The following ANO1 variants were observed in gnomAD, a reference collection of about 807,000 sequenced individuals.
ANO1 encodes the protein anoctamin 1, also known as anoctamin-1.
Under a neutral mutation model 124.0 loss-of-function variants are expected in ANO1, and 59 were observed. That is an observed-to-expected ratio of 0.48 (90% CI 0.39 to 0.59). The LOEUF (loss-of-function observed/expected upper bound fraction) is 0.59. Ranked by LOEUF, ANO1 falls within the 20% of genes least tolerant of loss-of-function variation. The pLI, the probability that ANO1 is intolerant of heterozygous loss-of-function variation, is 0.00. For synonymous variants in ANO1, 529 were observed against 532.0 expected, an observed-to-expected ratio of 0.99 and a Z score of 0.08; for missense variants, 1,059 against 1,328.0, an observed-to-expected ratio of 0.80 and a Z score of 3.15.
At chr11:70,104,932 C>T (rs964585459) in intron 4 of ANO1, among the ~76,000 whole-genome samples, 1 of 152,166 alleles carries the variant, frequency 6.6e-6, no homozygotes, top group Non-Finnish European at 1.5e-5. Flanking sequence ...ATGAGCATCA[C>T]TGGATGCATT....
Position 70,065,311 on chromosome 11 carries a change from C to T in ANO1, c.59-13231C>T, listed in dbSNP as rs538353411. On this transcript the variant is annotated intron_variant, in intron 1 of 27. Coordinates refer to the ANO1 transcript ENST00000531349. ...GCGGTTGGGGTCTCCTGGATTCAAC[C>T]ATCATTAGAGGAGGCTTTGCATATT... 8 of 152,368 alleles carry T rather than the reference C, an allele frequency of 5.3e-5. No homozygotes were observed. The East Asian group carries it at 1.5e-3, about 29-fold the overall frequency. 9.4% of individuals were successfully genotyped at this position (152,368 alleles called of 1,614,324 possible).
At chr11:70,162,397 C>A (rs551903647) in intron 18 of ANO1, among the ~76,000 whole-genome samples, 2 of 152,120 alleles carry the variant, frequency 1.3e-5, no homozygotes, top group Non-Finnish European at 2.9e-5. Context: ...AAGCCAGCTC[C>A]AGGTGCTCCC....
chr11:69,975,313 A>G, the ANO1 span, among the ~76,000 whole-genome samples: 1 of 152,172 alleles, frequency 6.6e-6, no homozygotes, highest in East Asian at 1.9e-4. Flanking sequence ...CCCCAGATGG[A>G]AGGAGAGTTT....
chr11:70,124,464 G>C, intron 9 of ANO1, 50 bp downstream of exon 9: 1 of 1,554,426 alleles, frequency 6.4e-7, no homozygotes, highest in Non-Finnish European at 8.9e-7. Flanking sequence ...TCCGATGGCA[G>C]TCGGATAACA....
At chr11:70,060,109 A>G (rs1460080344) in intron 1 of ANO1, among the ~76,000 whole-genome samples, 1 of 152,122 alleles carries the variant, frequency 6.6e-6, no homozygotes, top group Non-Finnish European at 1.5e-5. Flanking sequence ...AGGCATTGAC[A>G]ATGAAAGAGC....
intron 24 of ANO1, 78 bp downstream of exon 24, chr11:70,182,764 A>G: frequency 8.0e-7 from 1 of 1,249,982 alleles, no homozygotes; most frequent in Non-Finnish European, 1.1e-6. Flanking sequence ...ACGGGGCTCA[A>G]ATCAGGAGCA....
intron 18 of ANO1, among the ~76,000 whole-genome samples, chr11:70,163,026 GC>G (rs1412521607): frequency 6.6e-6 from 1 of 152,240 alleles, no homozygotes; most frequent in African/African-American, 2.4e-5. Context: ...CCTTCCCGCT[GC>G]CTCTCAGTCT....
chr11:69,970,156 G>A, the ANO1 span, among the ~76,000 whole-genome samples: 5 of 152,302 alleles, frequency 3.3e-5, no homozygotes, highest in Middle Eastern at 3.4e-3. Flanking sequence ...AAGAGAGGAA[G>A]GGGAGGGCAA....
intron 11 of ANO1, among the ~76,000 whole-genome samples, chr11:70,143,355 A>G (rs1349796011): frequency 6.6e-6 from 1 of 152,194 alleles, no homozygotes; most frequent in Non-Finnish European, 1.5e-5. Flanking sequence ...GGAGTCCGCC[A>G]GCCAGCTAAG....
chr11:70,059,505 A>T lies in ANO1; in HGVS notation c.59-19037A>T, dbSNP rs1857523122. Among the ~76,000 whole-genome samples the T allele has an allele frequency of 2.6e-5, 4 of 152,152 alleles. No homozygotes were observed. In the South Asian group the frequency reaches 6.2e-4, roughly 24 times the overall value. On this transcript the variant is annotated intron_variant, in intron 1 of 27. Coordinates refer to the ANO1 transcript ENST00000531349. ...CTTGACCCATCCGATGAAGGTGTTG[A>T]TCCAAATCAGGAGATACTCAAATTT...
chr11:70,078,993 C>T (rs903123118), intron 1 of ANO1, among the ~76,000 whole-genome samples: 1 of 152,084 alleles, frequency 6.6e-6, no homozygotes, highest in African/African-American at 2.4e-5. Context: ...CCTCGGAGCT[C>T]TGCGGCCCCG....
chr11:69,981,871 A>T (rs1404951525), upstream of ANO1, among the ~76,000 whole-genome samples: 1 of 152,274 alleles, frequency 6.6e-6, no homozygotes, highest in East Asian at 1.9e-4. Flanking sequence ...AAGAAATGCG[A>T]TTCTGATACA....
intron 1 of ANO1, among the ~76,000 whole-genome samples, chr11:70,051,000 A>C (rs1857342025): frequency 6.6e-6 from 1 of 152,214 alleles, no homozygotes. Context: ...TGCCATATGC[A>C]CTTTTTTATT....
At chr11:70,077,890 G>A (rs1054213346), upstream of ANO1, among the ~76,000 whole-genome samples, 1 of 152,178 alleles carries the variant, frequency 6.6e-6, no homozygotes, top group African/African-American at 2.4e-5. Flanking sequence ...ACTCCCCCAG[G>A]AGCGCGGGCA....
At chr11:70,151,854 C>G (rs2047614300) in intron 12 of ANO1, among the ~76,000 whole-genome samples, 1 of 152,166 alleles carries the variant, frequency 6.6e-6, no homozygotes, top group Non-Finnish European at 1.5e-5. Flanking sequence ...TTAGCTGAAT[C>G]TGAGATGTTT....
the ANO1 span, among the ~76,000 whole-genome samples, chr11:69,972,912 C>CTTTTTT: frequency 2.1e-5 from 3 of 144,372 alleles, 1 homozygote; most frequent in Non-Finnish European, 4.5e-5. Context: ...TTTTCTTTTT[C>CTTTTTT]TTTCTTTTTT....
At chr11:70,142,372 G>C (rs1029244106) in intron 11 of ANO1, among the ~76,000 whole-genome samples, 3 of 152,154 alleles carry the variant, frequency 2.0e-5, no homozygotes, top group Non-Finnish European at 4.4e-5. Flanking sequence ...AGGTGGGGAC[G>C]AAGGGGATGC....
chr11:70,116,599 A>C (rs1205024192), intron 8 of ANO1, 100 bp downstream of exon 8: 1 of 1,246,396 alleles, frequency 8.0e-7, no homozygotes, highest in African/African-American at 1.5e-5. Context: ...ACCGGCCTCC[A>C]GGGCCTCCCC....
intron 19 of ANO1, 92 bp from the exon 20 acceptor site, chr11:70,165,378 C>A: frequency 1.9e-6 from 2 of 1,079,792 alleles, no homozygotes; most frequent in Non-Finnish European, 2.7e-6. Flanking sequence ...GGACGCAGGT[C>A]AACCCACAGC....
Sources: gnomAD v4.1 joint callset for allele counts (sites outside exome capture counted in the v4.1 genomes callset) on GRCh38, gnomAD v4.1.1 for gene constraint, MANE v1.5 for transcripts, NCBI Gene and HGNC (gene_info 2026-07-23, HGNC 2026-07-21) for gene names.